PIK3C2A: variants seen among roughly 807,000 people sequenced by gnomAD.
PIK3C2A encodes phosphatidylinositol 4-phosphate 3-kinase C2 domain-containing subunit alpha.
A neutral mutation model predicts 204.5 loss-of-function variants in PIK3C2A; 97 were observed. The ratio of observed to expected loss-of-function variants is 0.47; its 90% CI spans 0.40 to 0.56. The LOEUF is 0.56. Ranked by LOEUF, PIK3C2A falls within the 20% of genes least tolerant of loss-of-function variation. The pLI, the probability that PIK3C2A is intolerant of heterozygous loss-of-function variation, is 0.00. For synonymous variants in PIK3C2A, 653 were observed against 664.4 expected (o/e 0.98, Z 0.26); for missense variants, 1,735 against 1,969.2 (o/e 0.88, Z 2.25).
At chr11:17,164,391 A>G (rs1408308098) in intron 2 of PIK3C2A, among the ~76,000 whole-genome samples, 1 of 151,628 alleles carries the variant, frequency 6.6e-6, no homozygotes, top group Non-Finnish European at 1.5e-5. Flanking sequence ...CAGTTTCCTT[A>G]CTGGTGGCCC....
chr11:17,160,539 T>C (rs932781509), intron 2 of PIK3C2A, among the ~76,000 whole-genome samples: 8 of 152,022 alleles, frequency 5.3e-5, no homozygotes, highest in Non-Finnish European at 1.0e-4. Flanking sequence ...TAAAGAGTAA[T>C]AACTTTAAGG....
chr11:17,193,490 T>C (rs1852010145), intron 1 of PIK3C2A: 2 of 450,244 alleles, frequency 4.4e-6, no homozygotes, highest in Admixed American at 2.4e-5. Flanking sequence ...GGTGCAGACA[T>C]GGCCAAGTCC....
At chr11:17,093,348 G>GC (rs1848363299) in intron 28 of PIK3C2A, among the ~76,000 whole-genome samples, 1 of 152,040 alleles carries the variant, frequency 6.6e-6, no homozygotes, top group African/African-American at 2.4e-5. Context: ...CTCACTGCAA[G>GC]CTCCACCTTC....
At chr11:17,098,957 G>A (rs944549106) in intron 26 of PIK3C2A, among the ~76,000 whole-genome samples, 4 of 152,272 alleles carry the variant, frequency 2.6e-5, no homozygotes, top group African/African-American at 4.8e-5. Context: ...GTGCAATGGC[G>A]CAATCTCGGC....
At chr11:17,113,741 C>A (rs1849074960) in intron 20 of PIK3C2A, among the ~76,000 whole-genome samples, 1 of 145,344 alleles carries the variant, frequency 6.9e-6, no homozygotes, top group Non-Finnish European at 1.5e-5. Context: ...GAGATTGCAC[C>A]ATTGCATTCC....
At chr11:17,112,728 T>C in intron 20 of PIK3C2A, 62 bp from the exon 21 acceptor site, 6 of 742,224 alleles carry the variant, frequency 8.1e-6, no homozygotes, top group Non-Finnish European at 1.3e-5. Context: ...AATTTTTTTT[T>C]GTCCTACGCA....
At chr11:17,185,036 C>T (rs566557487) in intron 1 of PIK3C2A, among the ~76,000 whole-genome samples, 20 of 152,004 alleles carry the variant, frequency 1.3e-4, no homozygotes, top group Admixed American at 1.3e-3. Context: ...CAGTAGTATA[C>T]AGTAATGTCC....
At chr11:17,150,195 A>G (rs2137434439) in intron 4 of PIK3C2A, among the ~76,000 whole-genome samples, 1 of 152,342 alleles carries the variant, frequency 6.6e-6, no homozygotes, top group Middle Eastern at 3.4e-3. Context: ...ATAAGCAAGC[A>G]TGCTTCCTGT....
At chr11:17,110,241 C>T (rs975073253) in intron 22 of PIK3C2A, among the ~76,000 whole-genome samples, 191 bp downstream of exon 22, 2 of 152,154 alleles carry the variant, frequency 1.3e-5, no homozygotes, top group Non-Finnish European at 2.9e-5. Context: ...GCATGAGCCA[C>T]TATGCCCGGC....
At chr11:17,170,587 TGAG>T (rs943052337) in intron 1 of PIK3C2A, among the ~76,000 whole-genome samples, 17 of 152,214 alleles carry the variant, frequency 1.1e-4, no homozygotes, top group Admixed American at 9.8e-4. Flanking sequence ...CACGAAAAGA[TGAG>T]AAGATAATTT....
chr11:17,114,331 A>T (rs369882488), intron 20 of PIK3C2A, 30 bp downstream of exon 20: 55 of 1,095,598 alleles, frequency 5.0e-5, no homozygotes, highest in Non-Finnish European at 7.5e-5. Context: ...TTCAAATGTA[A>T]TATGAACTTA....
chr11:17,091,366 G>C lies in PIK3C2A; in HGVS notation c.4846C>G (p.Arg1616Gly), dbSNP rs1164233386. The change falls in exon 32 of 33, where the codon CGA becomes GGA. Residue 1616 changes from arginine to glycine, a missense_variant. Around this residue, in one of 6 missense-constraint regions of PIK3C2A, gnomAD observed 503 missense variants for 669.0 expected, o/e 0.75. Coordinates refer to ENST00000691414, the MANE Select transcript of PIK3C2A (RefSeq NM_002645.4). ...KTSKRKTKIS[R>G]KTRNPTFNEM... ...TTGAATGTCGGATTCCTCGTTTTTCGTGAAATTTTGGTTTTACGTTTGGAT... is the reference window on the plus strand; with the variant it reads ...TTGAATGTCGGATTCCTCGTTTTTCCTGAAATTTTGGTTTTACGTTTGGAT... 7 of 1,613,162 alleles carry C rather than the reference G, an allele frequency of 4.3e-6. No homozygotes were observed. In the Admixed American group the frequency reaches 6.7e-5, roughly 15 times the overall value.
chr11:17,099,328 C>T (rs1848548863), intron 26 of PIK3C2A, among the ~76,000 whole-genome samples: 1 of 152,190 alleles, frequency 6.6e-6, no homozygotes, highest in Non-Finnish European at 1.5e-5. Flanking sequence ...CAAAGGTCTC[C>T]ATGGAAATTG....
intron 4 of PIK3C2A, among the ~76,000 whole-genome samples, chr11:17,149,879 G>C (rs1396433064): frequency 6.6e-6 from 1 of 152,106 alleles, no homozygotes; most frequent in Admixed American, 6.6e-5. Flanking sequence ...CACATTCCTA[G>C]TCATAACCAT....
Position 17,087,022 on chromosome 11 carries a change from T to A in PIK3C2A, c.*2716A>T, listed in dbSNP as rs1848179885. On this transcript the variant is annotated 3_prime_UTR_variant, in exon 33 of 33. Transcript: ENST00000691414. ...ATAAAGGCAGTAATAAAAATATCAGTGCAAGTTCTACATTGGGTTCCTCAG... is the reference window on the plus strand; with the variant it reads ...ATAAAGGCAGTAATAAAAATATCAGAGCAAGTTCTACATTGGGTTCCTCAG... 1 of 152,320 alleles carries A rather than the reference T, an allele frequency of 6.6e-6. No individual in the cohort carries two copies. The highest frequency in any genetic ancestry group is 2.1e-4 in the South Asian group (1 of 4,826). The allele number at this position is 152,320 out of a possible 1,614,324, so 9.4% of individuals were successfully genotyped here.
In PIK3C2A at chr11:17,149,410, AT is replaced by A. The variant is rs370463467; in HGVS notation, c.1328-624del. On this transcript the variant is annotated intron_variant, in intron 4 of 32. Coordinates refer to ENST00000691414, the MANE Select transcript of PIK3C2A (RefSeq NM_002645.4). ...TGTGCATCAGTTGTATGATAATACTATGTCTTTTATATCAGGGATTTGAGCA... is the reference window on the plus strand; with the variant it reads ...TGTGCATCAGTTGTATGATAATACTAGTCTTTTATATCAGGGATTTGAGCA... Among the ~76,000 whole-genome samples the A allele has an allele frequency of 3.9e-3, 599 of 152,270 alleles. 4 individuals are homozygous for A. Among genetic ancestry groups the A allele is most frequent in the African/African-American group, 0.014 (582 of 41,552 alleles).
At chr11:17,148,847 T>A in intron 4 of PIK3C2A, 60 bp from the exon 5 acceptor site, 1 of 1,388,986 alleles carries the variant, frequency 7.2e-7, no homozygotes, top group Non-Finnish European at 1.0e-6. Context: ...AAGACTGTAT[T>A]ACTTATAATT....
intron 16 of PIK3C2A, 82 bp from the exon 17 acceptor site, chr11:17,119,395 T>C (rs1849303312): frequency 1.3e-6 from 1 of 787,296 alleles, no homozygotes; most frequent in African/African-American, 1.7e-5. Context: ...AATCTCAATC[T>C]GGTCCTGACA....
At chr11:17,103,313 G>T (rs1848703182) in intron 23 of PIK3C2A, among the ~76,000 whole-genome samples, 1 of 152,040 alleles carries the variant, frequency 6.6e-6, no homozygotes, top group African/African-American at 2.4e-5. Flanking sequence ...TTCCCATGTG[G>T]TGATTCCCTG....
Sources: gnomAD v4.1 joint callset for allele counts (sites outside exome capture counted in the v4.1 genomes callset) on GRCh38, gnomAD v4.1.1 for gene constraint, gnomAD v4.1.1 regional missense constraint, MANE v1.5 for transcripts, NCBI Gene and HGNC (gene_info 2026-07-23, HGNC 2026-07-21) for gene names.